The following RUBCN variants were observed in gnomAD, a reference collection of about 807,000 sequenced individuals.
RUBCN encodes the protein run domain Beclin-1-interacting and cysteine-rich domain-containing protein.
RUBCN carries 74 observed loss-of-function variants against 113.2 expected under a neutral mutation model. That is an observed-to-expected ratio of 0.65 (90% CI 0.54 to 0.79). RUBCN has a LOEUF of 0.79. Among genes scored for constraint, RUBCN ranks in the 30% least tolerant of loss-of-function variants. The probability of loss-of-function intolerance (pLI) is 0.00; values close to 1 mark genes in which losing one functional copy is unlikely to be tolerated. For synonymous variants in RUBCN, 480 were observed against 490.0 expected (o/e 0.98, Z 0.27); for missense variants, 1,109 against 1,251.7 (o/e 0.89, Z 1.72).
Position 197,726,308 on chromosome 3 carries a change from G to A in RUBCN, c.66-8178C>T, listed in dbSNP as rs1726745825. Among the ~76,000 whole-genome samples, 2 of 151,922 alleles carry A rather than the reference G, an allele frequency of 1.3e-5. 1 individual carries two copies. The highest frequency in any genetic ancestry group is 4.1e-4 in the South Asian group (2 of 4,832). ...GTCGCCCAGGCTGGAGTGCAGTGGC[G>A]TGATCTCGGTTCACTGCAAGCTCTG... is the stretch of plus-strand genomic sequence containing the variant. On this transcript the variant is annotated intron_variant, in intron 1 of 19. Transcript: ENST00000296343.
chr3:197,688,871 G>A (rs1248346559), intron 11 of RUBCN, among the ~76,000 whole-genome samples: 2 of 152,192 alleles, frequency 1.3e-5, no homozygotes, highest in Non-Finnish European at 2.9e-5. Flanking sequence ...GAGCAGCTGA[G>A]TGGGGCTGCG....
intron 1 of RUBCN, among the ~76,000 whole-genome samples, chr3:197,726,447 T>G (rs906188936): frequency 6.6e-6 from 1 of 150,868 alleles, no homozygotes; most frequent in South Asian, 2.1e-4. Flanking sequence ...GGGGTTTCAC[T>G]GTGTTAGCCA....
In RUBCN at chr3:197,676,519, G is replaced by A. The variant is rs549198244; in HGVS notation, c.2646+366C>T. 239 of 809,930 alleles carry A rather than the reference G, an allele frequency of 3.0e-4. 4 individuals are homozygous for A. In the South Asian group the frequency reaches 5.4e-3, roughly 18 times the overall value. 50.2% of individuals were successfully genotyped at this position (809,930 alleles called of 1,614,324 possible). A position where few individuals can be genotyped will look rare whatever the true frequency, so the allele number is the denominator to read the frequency against. The stretch of plus-strand genomic sequence containing the variant: ...GTAGAGATGGGGTTTCATCATGTTC[G>A]TCAGGCTGGTCTTGAACTCCTGACC... On this transcript the variant is annotated intron_variant, in intron 18 of 19. Transcript: ENST00000296343.
intron 1 of RUBCN, among the ~76,000 whole-genome samples, chr3:197,743,012 C>T (rs894561439): frequency 1.3e-5 from 2 of 152,182 alleles, no homozygotes; most frequent in Non-Finnish European, 2.9e-5. Context: ...GAGGTCCCAC[C>T]CCTGAGTCCA....
rs184512904 is a variant in RUBCN at position 197,691,506 on chromosome 3, G to A, written c.1786+2209C>T. Among the ~76,000 whole-genome samples the A allele has an allele frequency of 5.3e-5, 8 of 152,192 alleles. No individual in the cohort carries two copies. The East Asian group carries it at 7.7e-4, about 15-fold the overall frequency. On this transcript the variant is annotated intron_variant, in intron 11 of 19. Transcript: ENST00000296343. ...CATCTTACAGTCCACAGCCCAATCC[G>A]TCACAGCAAAGAATGATCTGGCCCA...
chr3:197,681,437 T>C lies in RUBCN; in HGVS notation c.2192-70A>G, dbSNP rs1721229947. 1.6e-6 allele frequency: 2 copies of C among 1,220,560 alleles called. No homozygotes were observed. The highest frequency in any genetic ancestry group is 1.7e-5 in the Admixed American group (1 of 58,070). 75.6% of individuals were successfully genotyped at this position (1,220,560 alleles called of 1,614,324 possible). A position where few individuals can be genotyped will look rare whatever the true frequency, so the allele number is the denominator to read the frequency against. ...CTACAAGCTGGGAAGGCAGCTCTGC[T>C]TTTCCCTTGAAAGGGCAGAGAGGGA... On this transcript the variant is annotated intron_variant, in intron 15 of 19. Coordinates refer to ENST00000296343, the MANE Select transcript of RUBCN (RefSeq NM_014687.4). This position sits in a 1 kb window ranked among gnomAD's most constrained non-coding sequence, Gnocchi z 5.5.
At chr3:197,684,500 A>G (rs867367328) in intron 11 of RUBCN, among the ~76,000 whole-genome samples, 2 of 152,176 alleles carry the variant, frequency 1.3e-5, no homozygotes, top group African/African-American at 4.8e-5. Context: ...AAAACAGTGA[A>G]TGAGAAGACG....
chr3:197,749,388 G>A, exon 1 of RUBCN: 1 of 1,186,124 alleles, frequency 8.4e-7, no homozygotes, highest in South Asian at 1.5e-5. Context: ...TGGAGTTAAG[G>A]TGACGCAGGA....
chr3:197,669,450 T>C lies in RUBCN; in HGVS notation c.*5568A>G, dbSNP rs1472798252. Among the ~76,000 whole-genome samples, 1 of 152,202 alleles carries C rather than the reference T, an allele frequency of 6.6e-6. No individual in the cohort carries two copies. Among genetic ancestry groups the C allele is most frequent in the Non-Finnish European group, 1.5e-5 (1 of 68,030 alleles). On this transcript the variant is annotated 3_prime_UTR_variant, in exon 20 of 20. Coordinates refer to ENST00000296343, the MANE Select transcript of RUBCN (RefSeq NM_014687.4). The stretch of plus-strand genomic sequence containing the variant: ...GAAAGTTCCTCGAATTTTGCTCCTG[T>C]GTTTATGTTGTTTGTTGTTTTTCTC...
chr3:197,692,542 G>C (rs116803433), intron 11 of RUBCN, among the ~76,000 whole-genome samples: 1 of 152,040 alleles, frequency 6.6e-6, no homozygotes, highest in African/African-American at 2.4e-5. Flanking sequence ...AATTTCACAG[G>C]ACTGTAGCTG....
At chr3:197,734,770 G>A (rs925913560) in intron 1 of RUBCN, among the ~76,000 whole-genome samples, 9 of 152,150 alleles carry the variant, frequency 5.9e-5, no homozygotes, top group East Asian at 1.9e-4. Flanking sequence ...CACGAAGCAC[G>A]TCACAGACAT....
chr3:197,718,064 G>A lies in RUBCN; in HGVS notation c.132C>T (p.Ser44=). The A allele has an allele frequency of 6.2e-7, 1 of 1,614,184 alleles. No individual in the cohort carries two copies. Among genetic ancestry groups the A allele is most frequent in the Non-Finnish European group, 8.5e-7 (1 of 1,180,038 alleles). The stretch of plus-strand genomic sequence containing the variant: ...CACCATACTTAGACCAGACGTTGGG[G>A]CTGTTGGTTGATACCAAACCCTCCA... ...TTVEGLVSTN[S]PNVWSKYGGL... The change falls in exon 2 of 20, where the codon AGC becomes AGT. Residue 44 remains serine (S), a synonymous_variant. Coordinates refer to ENST00000296343, the MANE Select transcript of RUBCN (RefSeq NM_014687.4).
At chr3:197,739,801 C>T (rs1728450009), upstream of RUBCN, among the ~76,000 whole-genome samples, 2 of 152,182 alleles carry the variant, frequency 1.3e-5, no homozygotes, top group Non-Finnish European at 2.9e-5. Flanking sequence ...ACTGGGAGGC[C>T]CAGGCAGGCG....
Position 197,681,817 on chromosome 3 carries a change from G to C in RUBCN, c.2191+18C>G, listed in dbSNP as rs1263821671. The C allele has an allele frequency of 5.0e-6, 8 of 1,610,390 alleles. No individual in the cohort carries two copies. Among genetic ancestry groups the C allele is most frequent in the Non-Finnish European group, 1.7e-6 (2 of 1,176,632 alleles). On this transcript the variant is annotated intron_variant, in intron 15 of 19. Transcript: ENST00000296343. This position sits in a 1 kb window ranked among gnomAD's most constrained non-coding sequence, Gnocchi z 5.5. ...CAGAGCCTCTGGAGGCAGCATGGTG[G>C]GAAGGGAAGGCACTCACCAGGGTCA...
rs1202208279 is a variant in RUBCN, at chr3:197,703,572, G to A, written c.546C>T (p.Leu182=). 6.8e-6 allele frequency: 11 copies of A among 1,613,410 alleles called. No homozygotes were observed. Among genetic ancestry groups the A allele is most frequent in the African/African-American group, 1.3e-5 (1 of 74,894 alleles). Residue 182 remains leucine, a synonymous_variant, in exon 5 of 20, where the codon CTC becomes CTT. Coordinates refer to ENST00000296343, the MANE Select transcript of RUBCN (RefSeq NM_014687.4). The part of the protein sequence containing the change: ...LEAVEQNNPR[L]LAQIDASMFA... ...CCATGGACGCATCGATCTGAGCCAG[G>A]AGGCGGGGGTTGTTCTGTTCCACTG...
chr3:197,730,116 T>A lies in RUBCN; in HGVS notation c.65+6539A>T, dbSNP rs547691252. Among the ~76,000 whole-genome samples, 10 of 152,348 alleles carry A rather than the reference T, an allele frequency of 6.6e-5. No individual in the cohort carries two copies. In the South Asian group the frequency reaches 2.1e-3, roughly 32 times the overall value. On this transcript the variant is annotated intron_variant, in intron 1 of 19. Transcript: ENST00000296343. ...TGAGGTAATCCCCAAGAAGAGATTA[T>A]ATGGGTCTACAGTGAATAAACTTTA...
chr3:197,703,982 C>A (rs192230623), intron 4 of RUBCN, among the ~76,000 whole-genome samples: 2 of 152,312 alleles, frequency 1.3e-5, no homozygotes, highest in Non-Finnish European at 2.9e-5. Context: ...CAGTGACGGG[C>A]ACACAGGAAA....
In RUBCN at chr3:197,669,690, C is replaced by A. The variant is rs1254711885; in HGVS notation, c.*5328G>T. Among the ~76,000 whole-genome samples, 1 of 152,150 alleles carries A rather than the reference C, an allele frequency of 6.6e-6. No individual in the cohort carries two copies. Among genetic ancestry groups the A allele is most frequent in the Non-Finnish European group, 1.5e-5 (1 of 68,024 alleles). ...AAAGTGAATCACTAATTCCAGTCCACCCTCAATGGGAGAAGGAATTAAACT... is the reference window on the plus strand; with the variant it reads ...AAAGTGAATCACTAATTCCAGTCCAACCTCAATGGGAGAAGGAATTAAACT... On this transcript the variant is annotated 3_prime_UTR_variant, in exon 20 of 20. Transcript: ENST00000296343.
chr3:197,708,168 C>T (rs1446034034), intron 2 of RUBCN, among the ~76,000 whole-genome samples: 2 of 151,266 alleles, frequency 1.3e-5, no homozygotes, highest in African/African-American at 4.9e-5. Context: ...CGGAGTCTTG[C>T]TCTGTCACCC....
Sources: allele counts gnomAD v4.1 joint callset (sites outside exome capture counted in the v4.1 genomes callset), GRCh38; gene constraint gnomAD v4.1.1; non-coding constraint Gnocchi (gnomAD v3.1); transcripts MANE v1.5; gene names NCBI Gene and HGNC (gene_info 2026-07-23, HGNC 2026-07-21).